The following SMAD6 variants were observed in gnomAD, a reference collection of about 807,000 sequenced individuals.
SMAD6 encodes SMAD family member 6, also known as MAD homolog 6.
SMAD6 carries 103 observed loss-of-function variants against 39.4 expected under a neutral mutation model. That is an observed-to-expected ratio of 2.62 (90% CI 2.23 to 3.08). The LOEUF is 3.08. Ranked by LOEUF, SMAD6 falls within the 30% of genes most tolerant of loss-of-function variation. SMAD6 has a pLI of 0.00. For missense variants in SMAD6, 1,104 were observed against 742.9 expected (o/e 1.49, Z -5.65); for synonymous variants, 445 against 353.3 (o/e 1.26, Z -2.91).
At position 66,703,040 on chromosome 15, in the gene SMAD6, C is replaced by T. The variant is rs1165005269; in HGVS notation, c.-219C>T. 4 of 394,426 alleles carry T rather than the reference C, an allele frequency of 1.0e-5. No individual in the cohort carries two copies. The highest frequency in any genetic ancestry group is 3.8e-5 in the East Asian group (1 of 26,562). 24.4% of individuals were successfully genotyped at this position (394,426 alleles called of 1,614,324 possible). ...CGCTGGCCGCGCGCGGACTGCGGCT[C>T]GGCGTGCGCGTGTTCCCGGCCGTCC... On this transcript the variant is annotated 5_prime_UTR_variant, in exon 1 of 4. Coordinates refer to ENST00000288840, the MANE Select transcript of SMAD6 (RefSeq NM_005585.5).
rs560601564 is a variant in SMAD6 at position 66,741,773 on chromosome 15, C to T, written c.952+25275C>T. On this transcript the variant is annotated intron_variant, in intron 3 of 3. Coordinates refer to ENST00000288840, the MANE Select transcript of SMAD6 (RefSeq NM_005585.5). Reference sequence around the variant, plus strand: ...TTAGTATATTTGCAACATTCTGCAGCTGTCACCACTCCCTCACTCAAATGC... The same window carrying T: ...TTAGTATATTTGCAACATTCTGCAGTTGTCACCACTCCCTCACTCAAATGC... Among the ~76,000 whole-genome samples, 12 of 152,334 alleles carry T rather than the reference C, an allele frequency of 7.9e-5. No individual in the cohort carries two copies. In the East Asian group the frequency reaches 2.3e-3, roughly 29 times the overall value.
chr15:66,768,921 G>A (rs529972072), intron 3 of SMAD6, among the ~76,000 whole-genome samples: 44 of 152,334 alleles, frequency 2.9e-4, no homozygotes, highest in African/African-American at 8.4e-4. Flanking sequence ...CCTGCTGGTG[G>A]ATGAATTGGA....
chr15:66,775,522 G>A (rs1358257002), intron 3 of SMAD6, among the ~76,000 whole-genome samples: 1 of 152,142 alleles, frequency 6.6e-6, no homozygotes, highest in Non-Finnish European at 1.5e-5. Flanking sequence ...GGCCAGAGGA[G>A]GGAGATGACC....
chr15:66,734,251 C>T (rs1893676980), intron 3 of SMAD6, among the ~76,000 whole-genome samples: 2 of 152,210 alleles, frequency 1.3e-5, no homozygotes, highest in Non-Finnish European at 2.9e-5. Flanking sequence ...GACCTCACCC[C>T]GCGGTACTGA....
At chr15:66,770,907 G>A (rs1258216966) in intron 3 of SMAD6, among the ~76,000 whole-genome samples, 1 of 152,216 alleles carries the variant, frequency 6.6e-6, no homozygotes, top group Non-Finnish European at 1.5e-5. Flanking sequence ...TTCTGGCACA[G>A]AGTCTGATGG....
At chr15:66,756,484 C>T (rs1894101998) in intron 3 of SMAD6, among the ~76,000 whole-genome samples, 1 of 152,254 alleles carries the variant, frequency 6.6e-6, no homozygotes, top group African/African-American at 2.4e-5. Context: ...TGAACTGTAC[C>T]GTTTCTTTTC....
intron 3 of SMAD6, among the ~76,000 whole-genome samples, chr15:66,734,454 C>T (rs1408197615): frequency 1.3e-5 from 2 of 152,060 alleles, no homozygotes; most frequent in Non-Finnish European, 2.9e-5. Flanking sequence ...GAGCGGAGGT[C>T]GAGGGAGGGG....
chr15:66,773,242 A>G (rs1275842651), intron 3 of SMAD6, among the ~76,000 whole-genome samples: 2 of 152,042 alleles, frequency 1.3e-5, no homozygotes, highest in Admixed American at 6.5e-5. Context: ...GGAGCGAGTA[A>G]GAGGAAACTC....
intron 3 of SMAD6, among the ~76,000 whole-genome samples, chr15:66,766,344 CTG>C (rs1245368186): frequency 6.6e-6 from 1 of 152,186 alleles, no homozygotes; most frequent in Non-Finnish European, 1.5e-5. Context: ...AGGACGCACT[CTG>C]TGAAGAAAAA....
intron 2 of SMAD6, among the ~76,000 whole-genome samples, chr15:66,714,011 C>T (rs1380639713): frequency 1.3e-5 from 2 of 152,210 alleles, no homozygotes; most frequent in Non-Finnish European, 2.9e-5. Flanking sequence ...GCTCACTGTC[C>T]TTCCCTCGGA....
intron 3 of SMAD6, among the ~76,000 whole-genome samples, chr15:66,730,426 AC>A (rs1419984815): frequency 6.6e-6 from 1 of 152,098 alleles, no homozygotes; most frequent in Non-Finnish European, 1.5e-5. Context: ...TCATCTCTAT[AC>A]TGCTCCCTTG....
chr15:66,732,434 C>A (rs1327892675), intron 3 of SMAD6, among the ~76,000 whole-genome samples: 4 of 152,152 alleles, frequency 2.6e-5, no homozygotes. Flanking sequence ...TCACTGTAAC[C>A]CTGAACTCCT....
In SMAD6 at chr15:66,716,411, C is replaced by T. The variant is rs1006453758; in HGVS notation, c.875-10C>T. 2 of 1,607,088 alleles carry T rather than the reference C, an allele frequency of 1.2e-6. No individual in the cohort carries two copies. Among genetic ancestry groups the T allele is most frequent in the Admixed American group, 3.3e-5 (2 of 59,924 alleles). The stretch of plus-strand genomic sequence containing the variant: ...GGCCAACTAAGTTCTCTTTTTCTTT[C>T]CTCCCACAGATCTGTCCGATTCCAC... On this transcript the variant is annotated splice_polypyrimidine_tract_variant and intron_variant, in intron 2 of 3. Coordinates refer to ENST00000288840, the MANE Select transcript of SMAD6 (RefSeq NM_005585.5).
At position 66,703,868 on chromosome 15, in the gene SMAD6, G is replaced by C; in HGVS notation, c.610G>C (p.Gly204Arg). ...AVESRGGVPGGCVLVPRADLR... is the reference protein window; with the variant it reads ...AVESRGGVPGRCVLVPRADLR... ...GGAGTCCCGCGGCGGCGTGCCGGGCGGCTGCGTGCTGGTGCCGCGCGCCGA... is the reference window on the plus strand; with the variant it reads ...GGAGTCCCGCGGCGGCGTGCCGGGCCGCTGCGTGCTGGTGCCGCGCGCCGA... Residue 204 changes from glycine (G) to arginine (R), a missense_variant, in exon 1 of 4, where the codon GGC becomes CGC. By Grantham distance (125) the Gly-to-Arg change is moderately radical. Coordinates refer to ENST00000288840, the MANE Select transcript of SMAD6 (RefSeq NM_005585.5). 1 of 1,336,280 alleles carries C rather than the reference G, an allele frequency of 7.5e-7. No individual in the cohort carries two copies. The highest frequency in any genetic ancestry group is 1.9e-5 in the South Asian group (1 of 52,128). 82.8% of individuals were successfully genotyped at this position (1,336,280 alleles called of 1,614,324 possible).
chr15:66,748,205 A>ATT (rs34637025), intron 3 of SMAD6, among the ~76,000 whole-genome samples: 24 of 138,470 alleles, frequency 1.7e-4, no homozygotes, highest in East Asian at 4.1e-4. Flanking sequence ...ATTTCTTCCC[A>ATT]TTTTTTTTTT....
chr15:66,781,553 G>A lies in SMAD6; in HGVS notation c.*18G>A, dbSNP rs1478662777. The A allele has an allele frequency of 6.7e-7, 1 of 1,481,582 alleles. No individual in the cohort carries two copies. Among genetic ancestry groups the A allele is most frequent in the Admixed American group, 2.4e-5 (1 of 41,088 alleles). 91.8% of individuals were successfully genotyped at this position (1,481,582 alleles called of 1,614,324 possible). On this transcript the variant is annotated 3_prime_UTR_variant, in exon 4 of 4. Transcript: ENST00000288840. ...CCAGATAGTGGCGGCCCCGGCGGGAGGGGCGGGTGGGAGGCCGCGGCCACC... is the reference window on the plus strand; with the variant it reads ...CCAGATAGTGGCGGCCCCGGCGGGAAGGGCGGGTGGGAGGCCGCGGCCACC...
At chr15:66,757,998 G>A (rs923717157) in intron 3 of SMAD6, among the ~76,000 whole-genome samples, 6 of 152,206 alleles carry the variant, frequency 3.9e-5, no homozygotes, top group Admixed American at 2.0e-4. Flanking sequence ...GTCTGATGGA[G>A]TGGGCGTGGG....
chr15:66,702,543 G>A lies in SMAD6; in HGVS notation c.-716G>A, dbSNP rs2140578733. On this transcript the variant is annotated 5_prime_UTR_variant, in exon 1 of 4. Transcript: ENST00000288840. ...CTGCATTTTTAATTAAGGATTCCCA[G>A]CAGCTCTTTGGGATTTTTACAGCTT... 6.5e-6 allele frequency: 1 copy of A among 152,710 alleles called. No homozygotes were observed. Among genetic ancestry groups the A allele is most frequent in the Non-Finnish European group, 1.5e-5 (1 of 68,028 alleles). 9.5% of individuals were successfully genotyped at this position (152,710 alleles called of 1,614,324 possible).
intron 3 of SMAD6, among the ~76,000 whole-genome samples, chr15:66,763,742 G>T (rs1030839645): frequency 1.3e-5 from 2 of 152,220 alleles, no homozygotes; most frequent in East Asian, 3.8e-4. Flanking sequence ...CCACAAACAG[G>T]CTGTCCTTGG....
Sources: gnomAD v4.1 joint callset for allele counts (sites outside exome capture counted in the v4.1 genomes callset) on GRCh38, gnomAD v4.1.1 for gene constraint, MANE v1.5 for transcripts, NCBI Gene and HGNC (gene_info 2026-07-23, HGNC 2026-07-21) for gene names.